The following PDIA6 variants were observed in gnomAD, a reference collection of about 807,000 sequenced individuals.
PDIA6 encodes the protein protein disulfide-isomerase A6.
In PDIA6, 29 loss-of-function variants were observed where a neutral mutation model predicts 58.4. The observed-to-expected ratio is 0.50, with a 90% CI of 0.37 to 0.68. The LOEUF (loss-of-function observed/expected upper bound fraction) is 0.68. Ranked by LOEUF, PDIA6 falls within the 30% of genes least tolerant of loss-of-function variation. PDIA6 has a pLI of 0.00. For synonymous variants in PDIA6, 192 were observed against 202.6 expected (o/e 0.95, Z 0.44); for missense variants, 480 against 551.0 (o/e 0.87, Z 1.29).
chr2:10,813,114 C>T (rs1667081655), upstream of PDIA6, among the ~76,000 whole-genome samples: 1 of 152,140 alleles, frequency 6.6e-6, no homozygotes, highest in South Asian at 2.1e-4. Context: ...CCCACCCCGC[C>T]TCCTCCTTGC....
rs138195012 is a variant in PDIA6 at position 10,807,060 on chromosome 2, G to A, written c.20-4420C>T. Among the ~76,000 whole-genome samples the A allele has an allele frequency of 3.8e-3, 572 of 151,680 alleles. 5 individuals are homozygous for A. The highest frequency in any genetic ancestry group is 0.013 in the African/African-American group (549 of 41,360). ...TGAAGTTGATCATAATTCAGATCAC[G>A]TCTCTAATGTTAAGCAACACATGAC... is the stretch of plus-strand genomic sequence containing the variant. On this transcript the variant is annotated intron_variant, in intron 1 of 12. Transcript: ENST00000272227.
intron 1 of PDIA6, among the ~76,000 whole-genome samples, chr2:10,808,661 G>A (rs1486512780): frequency 2.0e-5 from 3 of 152,114 alleles, no homozygotes; most frequent in Non-Finnish European, 4.4e-5. Flanking sequence ...GGTGGGAAAG[G>A]ATGCCTGTGA....
chr2:10,816,392 A>AT (rs11457276), upstream of PDIA6, among the ~76,000 whole-genome samples: 111,565 of 144,630 alleles, frequency 0.77, 43,158 homozygotes, highest in Middle Eastern at 0.85. Context: ...GGCCTGTATC[A>AT]TTTTTTTTTT....
rs560715958 is a variant in PDIA6, at chr2:10,790,477, A to G, written c.699+242T>C. Among the ~76,000 whole-genome samples the G allele has an allele frequency of 2.0e-5, 3 of 152,222 alleles. No individual in the cohort carries two copies. The South Asian group carries it at 6.2e-4, about 32-fold the overall frequency. ...CAACAGCCATATGAGCAACTTGAAT[A>G]AGTCTGGGCAAGCTGAAACCTCACA... On this transcript the variant is annotated intron_variant, in intron 7 of 12. Coordinates refer to ENST00000272227, the MANE Select transcript of PDIA6 (RefSeq NM_005742.4).
chr2:10,831,367 T>C (rs1667706815), intron 1 of PDIA6, among the ~76,000 whole-genome samples: 1 of 152,186 alleles, frequency 6.6e-6, no homozygotes, highest in Admixed American at 6.5e-5. Flanking sequence ...ACAAAACTGC[T>C]CAGCTCACTA....
upstream of PDIA6, among the ~76,000 whole-genome samples, chr2:10,832,924 GC>G (rs909963594): frequency 4.0e-5 from 6 of 150,066 alleles, no homozygotes; most frequent in African/African-American, 1.2e-4. Context: ...CCCACCCCCC[GC>G]CCCCCCAGCC....
chr2:10,784,898 A>G (rs1469951733), intron 12 of PDIA6, 36 bp downstream of exon 12: 2 of 1,411,406 alleles, frequency 1.4e-6, no homozygotes, highest in South Asian at 2.5e-5. Context: ...GTAAACCAGG[A>G]CTGCTGCCCG....
At chr2:10,796,782 C>T (rs567660248) in intron 4 of PDIA6, among the ~76,000 whole-genome samples, 3 of 152,258 alleles carry the variant, frequency 2.0e-5, no homozygotes, top group Admixed American at 1.3e-4. Flanking sequence ...ACATGTAGAT[C>T]TTTATTAAAT....
chr2:10,812,608 C>A, intron 1 of PDIA6, 70 bp downstream of exon 1: 1 of 1,401,804 alleles, frequency 7.1e-7, no homozygotes, highest in Non-Finnish European at 9.4e-7. Context: ...CGCCGGGGAA[C>A]GGCCTAGAGA....
chr2:10,788,127 C>G (rs1665867542), intron 10 of PDIA6, among the ~76,000 whole-genome samples: 1 of 151,456 alleles, frequency 6.6e-6, no homozygotes, highest in Non-Finnish European at 1.5e-5. Context: ...GTGCCTAGAT[C>G]CAGTCCTTAA....
At chr2:10,834,086 C>A (rs1667768885), upstream of PDIA6, among the ~76,000 whole-genome samples, 1 of 152,260 alleles carries the variant, frequency 6.6e-6, no homozygotes, top group Admixed American at 6.5e-5. Context: ...AATACTGTTG[C>A]AAAGTCCCAA....
upstream of PDIA6, among the ~76,000 whole-genome samples, chr2:10,836,384 G>T (rs13391632): frequency 0.026 from 3,888 of 151,988 alleles, 179 homozygotes; most frequent in African/African-American, 0.089. Context: ...ATTTATTTAT[G>T]TATCTATTTT....
upstream of PDIA6, among the ~76,000 whole-genome samples, chr2:10,836,305 G>T (rs1489018957): frequency 1.3e-5 from 2 of 152,176 alleles, no homozygotes; most frequent in Admixed American, 1.3e-4. Flanking sequence ...GCAACGTCAG[G>T]CCTGGAGCAT....
chr2:10,806,554 T>C (rs566058864), intron 1 of PDIA6, among the ~76,000 whole-genome samples: 2 of 147,314 alleles, frequency 1.4e-5, no homozygotes, highest in South Asian at 4.4e-4. Flanking sequence ...GTGGGAGGAC[T>C]GCTTGAGGCC....
At chr2:10,817,428 A>G (rs1189294174), upstream of PDIA6, among the ~76,000 whole-genome samples, 1 of 152,246 alleles carries the variant, frequency 6.6e-6, no homozygotes, top group African/African-American at 2.4e-5. Flanking sequence ...ACTGTCCCCA[A>G]GCACCAGAGT....
chr2:10,825,246 CTCTCTCTCTG>C (rs1433527957), intron 1 of PDIA6, among the ~76,000 whole-genome samples: 3 of 70,740 alleles, frequency 4.2e-5, no homozygotes, highest in Non-Finnish European at 1.0e-4. Flanking sequence ...AAAAACTCCT[CTCTCTCTCTG>C]TCTCTCTCTG....
intron 10 of PDIA6, among the ~76,000 whole-genome samples, chr2:10,788,065 C>CAAAAAAAAAA (rs565180851): frequency 2.4e-3 from 240 of 102,106 alleles, no homozygotes; most frequent in African/African-American, 8.9e-3. Context: ...GACTCTGTCT[C>CAAAAAAAAAA]AAAAAAAAAA....
At chr2:10,816,108 G>GTTTTTTTTTTT (rs1667186104), upstream of PDIA6, among the ~76,000 whole-genome samples, 1 of 92,266 alleles carries the variant, frequency 1.1e-5, no homozygotes, top group African/African-American at 4.4e-5. Context: ...TTGAGATGGA[G>GTTTTTTTTTTT]TTTCACTCTT....
chr2:10,796,934 G>T, intron 4 of PDIA6, 147 bp downstream of exon 4: 1 of 684,636 alleles, frequency 1.5e-6, no homozygotes, highest in South Asian at 1.7e-5. Flanking sequence ...ATGACTCGGA[G>T]GGTATAGGAA....
Sources: gnomAD v4.1 joint callset for allele counts (sites outside exome capture counted in the v4.1 genomes callset) on GRCh38, gnomAD v4.1.1 for gene constraint, MANE v1.5 for transcripts, NCBI Gene and HGNC (gene_info 2026-07-23, HGNC 2026-07-21) for gene names.